Variants in RNF121 observed in about 807,000 individuals in gnomAD.
RNF121 encodes the protein ring finger protein 121.
In RNF121, 21 loss-of-function variants were observed where a neutral mutation model predicts 46.5. The observed-to-expected ratio is 0.45, with a 90% CI of 0.32 to 0.65. The LOEUF is 0.65. RNF121 is among the 30% of genes least tolerant of loss of function. The pLI is 0.04. For synonymous variants in RNF121, 139 were observed against 144.7 expected, an observed-to-expected ratio of 0.96 and a Z score of 0.28; for missense variants, 346 against 416.0, an observed-to-expected ratio of 0.83 and a Z score of 1.46.
At chr11:71,974,382 A>G (rs1954485139) in intron 3 of RNF121, among the ~76,000 whole-genome samples, 1 of 152,218 alleles carries the variant, frequency 6.6e-6, no homozygotes, top group Non-Finnish European at 1.5e-5. Flanking sequence ...ACTCTGTTAT[A>G]ACACTTATAA....
At chr11:71,964,579 G>T (rs1282940415) in intron 3 of RNF121, among the ~76,000 whole-genome samples, 2 of 152,068 alleles carry the variant, frequency 1.3e-5, no homozygotes, top group Non-Finnish European at 2.9e-5. Flanking sequence ...GCAGGCTCAG[G>T]TGATCCTCCC....
At chr11:71,970,057 G>T (rs1291379766) in intron 3 of RNF121, among the ~76,000 whole-genome samples, 2 of 152,160 alleles carry the variant, frequency 1.3e-5, no homozygotes, top group Admixed American at 6.5e-5. Context: ...AATGTAAAAA[G>T]TAAAGAAATT....
intron 1 of RNF121, 57 bp from the exon 2 acceptor site, chr11:71,957,170 A>G: frequency 9.1e-7 from 1 of 1,102,332 alleles, no homozygotes; most frequent in African/African-American, 1.5e-5. Context: ...AGCACCTTAT[A>G]TTGGCAGGGA....
chr11:71,974,167 T>A (rs1954480820), intron 3 of RNF121, among the ~76,000 whole-genome samples: 1 of 152,154 alleles, frequency 6.6e-6, no homozygotes, highest in Non-Finnish European at 1.5e-5. Context: ...GGTCTCAATC[T>A]CCTGACCTCG....
intron 2 of RNF121, among the ~76,000 whole-genome samples, chr11:71,959,210 C>G (rs1954067908): frequency 6.6e-6 from 1 of 152,202 alleles, no homozygotes; most frequent in Non-Finnish European, 1.5e-5. Context: ...CAGATGAACC[C>G]TTAGGTGCTG....
At chr11:71,933,609 C>G (rs1469656013) in intron 1 of RNF121, among the ~76,000 whole-genome samples, 1 of 152,142 alleles carries the variant, frequency 6.6e-6, no homozygotes, top group East Asian at 1.9e-4. Flanking sequence ...AAGGATTTTT[C>G]TGTTATAGTC....
At chr11:71,947,443 C>A in intron 1 of RNF121, among the ~76,000 whole-genome samples, 1 of 148,220 alleles carries the variant, frequency 6.7e-6, no homozygotes, top group African/African-American at 2.5e-5. Context: ...GAGCTATGAT[C>A]AAGCCACTGC....
At chr11:71,937,344 G>A (rs769953600) in intron 1 of RNF121, among the ~76,000 whole-genome samples, 1 of 151,996 alleles carries the variant, frequency 6.6e-6, no homozygotes, top group Non-Finnish European at 1.5e-5. Context: ...TTTTGAGACA[G>A]AATCTTGCTC....
chr11:71,972,250 ATAG>A (rs1954436720), intron 3 of RNF121, among the ~76,000 whole-genome samples: 1 of 152,196 alleles, frequency 6.6e-6, no homozygotes, highest in African/African-American at 2.4e-5. Context: ...GGGGTGAGGA[ATAG>A]TAATAAAAGA....
At chr11:71,950,105 AGTT>A (rs1188487643) in intron 1 of RNF121, among the ~76,000 whole-genome samples, 1 of 152,160 alleles carries the variant, frequency 6.6e-6, no homozygotes, top group Non-Finnish European at 1.5e-5. Context: ...ATAGTTGATC[AGTT>A]GTTAGTATGA....
intron 3 of RNF121, among the ~76,000 whole-genome samples, chr11:71,980,495 C>T (rs1199207633): frequency 2.6e-5 from 4 of 152,046 alleles, no homozygotes; most frequent in Non-Finnish European, 5.9e-5. Context: ...TATGGGTGCC[C>T]GCCACCATGC....
At position 71,996,544 on chromosome 11, in the gene RNF121, A is replaced by T. The variant is rs947753534; in HGVS notation, c.*229A>T. ...GAAAACTATTTTGATGAATATATTTAAAAAACCTTTTTTTATTGTGGAGCA... is the reference window on the plus strand; with the variant it reads ...GAAAACTATTTTGATGAATATATTTTAAAAACCTTTTTTTATTGTGGAGCA... On this transcript the variant is annotated 3_prime_UTR_variant, in exon 9 of 9. Coordinates refer to ENST00000361756, the MANE Select transcript of RNF121 (RefSeq NM_018320.5). The T allele has an allele frequency of 5.6e-5, 27 of 481,962 alleles. No individual in the cohort carries two copies. Among genetic ancestry groups the T allele is most frequent in the African/African-American group, 2.1e-4 (11 of 51,200 alleles). 29.9% of individuals were successfully genotyped at this position (481,962 alleles called of 1,614,324 possible).
At chr11:71,968,455 T>C (rs983079426) in intron 3 of RNF121, among the ~76,000 whole-genome samples, 4 of 152,214 alleles carry the variant, frequency 2.6e-5, no homozygotes, top group Non-Finnish European at 5.9e-5. Flanking sequence ...TCCTGGTTCT[T>C]ATAAAGTTCT....
At chr11:71,944,281 C>T (rs1314308065) in intron 1 of RNF121, among the ~76,000 whole-genome samples, 4 of 151,996 alleles carry the variant, frequency 2.6e-5, no homozygotes, top group Admixed American at 6.6e-5. Flanking sequence ...TGCAGTGAGC[C>T]GAGATTGTGC....
At chr11:71,964,091 ATTGT>A (rs1021280449) in intron 3 of RNF121, among the ~76,000 whole-genome samples, 9 of 152,318 alleles carry the variant, frequency 5.9e-5, no homozygotes, top group African/African-American at 1.7e-4. Context: ...GATTCTCTAG[ATTGT>A]TTGGGGAAAT....
chr11:71,932,559 A>G (rs950458307), intron 1 of RNF121, among the ~76,000 whole-genome samples: 5 of 152,242 alleles, frequency 3.3e-5, no homozygotes, highest in African/African-American at 4.8e-5. Context: ...CTGTGATTCA[A>G]AAGAGCATTT....
intron 1 of RNF121, among the ~76,000 whole-genome samples, chr11:71,956,139 T>C (rs929673737): frequency 5.9e-5 from 9 of 152,206 alleles, no homozygotes; most frequent in Admixed American, 3.3e-4. Context: ...TATGGGACTT[T>C]CCTGACGTTA....
chr11:71,960,390 C>T (rs1203693181), intron 2 of RNF121, among the ~76,000 whole-genome samples: 2 of 152,204 alleles, frequency 1.3e-5, no homozygotes, highest in Admixed American at 6.5e-5. Context: ...GTTACTTTCT[C>T]GTTCCAGCAT....
intron 1 of RNF121, among the ~76,000 whole-genome samples, chr11:71,948,955 CT>C (rs1193472134): frequency 1.8e-4 from 28 of 152,108 alleles, no homozygotes; most frequent in Middle Eastern, 3.4e-3. Context: ...GTTTCATGAG[CT>C]AGCTAATCTG....
Sources: allele counts gnomAD v4.1 joint callset (sites outside exome capture counted in the v4.1 genomes callset), GRCh38; gene constraint gnomAD v4.1.1; transcripts MANE v1.5; gene names NCBI Gene and HGNC (gene_info 2026-07-23, HGNC 2026-07-21).